The following SLC25A26 variants were observed in gnomAD, a reference collection of about 807,000 sequenced individuals.
SLC25A26 encodes solute carrier family 25 member 26, also known as mitochondrial S-adenosylmethionine carrier protein.
In SLC25A26, 36 loss-of-function variants were observed where a neutral mutation model predicts 37.8. The ratio of observed to expected loss-of-function variants is 0.95; its 90% confidence interval spans 0.73 to 1.26. The LOEUF (loss-of-function observed/expected upper bound fraction) is 1.26. Ranked by LOEUF, SLC25A26 falls within the 50% of genes most tolerant of loss-of-function variation. The pLI, the probability that SLC25A26 is intolerant of heterozygous loss-of-function variation, is 0.00. For missense variants in SLC25A26, 390 were observed against 331.1 expected (o/e 1.18, Z -1.38); for synonymous variants, 129 against 122.5 (o/e 1.05, Z -0.35).
At chr3:66,292,214 C>T (rs936449918) in intron 5 of SLC25A26, among the ~76,000 whole-genome samples, 2 of 152,112 alleles carry the variant, frequency 1.3e-5, no homozygotes, top group Admixed American at 1.3e-4. Flanking sequence ...AGATGGGCCT[C>T]CTGAATACAG....
intron 7 of SLC25A26, among the ~76,000 whole-genome samples, chr3:66,365,578 A>G (rs955751730): frequency 6.6e-6 from 1 of 152,202 alleles, no homozygotes; most frequent in Non-Finnish European, 1.5e-5. Context: ...TTCTCATAAT[A>G]AACACCTCTG....
Position 66,263,359 on chromosome 3 carries a change from A to C in SLC25A26, c.433A>C (p.Lys145Gln), listed in dbSNP as rs1209386701. ...TATCCAAGGGTTGTATCGAGGCTAT[A>C]AAAGCACAGTTTTAAGAGAGGTAAG... ...EGIQGLYRGY[K>Q]STVLREIPFS... is the part of the protein sequence containing the mutation. The change falls in exon 5 of 10, where the codon AAA becomes CAA. Residue 145 changes from lysine (K) to glutamine (Q), a missense_variant. Transcript: ENST00000354883. 6.2e-7 allele frequency: 1 copy of C among 1,611,874 alleles called. No homozygotes were observed. The highest frequency in any genetic ancestry group is 1.3e-5 in the African/African-American group (1 of 74,906).
chr3:66,184,650 A>G (rs1480754877), intron 1 of SLC25A26, among the ~76,000 whole-genome samples: 14 of 48,416 alleles, frequency 2.9e-4, no homozygotes, highest in Non-Finnish European at 5.0e-4. Flanking sequence ...CCTGACCCTG[A>G]CCTTTATTCT....
chr3:66,371,498 T>G (rs1700342167), intron 9 of SLC25A26: 1 of 1,363,754 alleles, frequency 7.3e-7, no homozygotes, highest in Admixed American at 3.4e-5. Context: ...GAAAAGTAGG[T>G]GATATTGGAT....
At chr3:66,137,200 A>G (rs1164870789) in intron 1 of SLC25A26, among the ~76,000 whole-genome samples, 2 of 146,284 alleles carry the variant, frequency 1.4e-5, no homozygotes, top group African/African-American at 2.5e-5. Context: ...AAATCTACCT[A>G]TGCTGTGATT....
rs150030325 is a variant in SLC25A26 at position 66,283,013 on chromosome 3, G to T, written c.453+19634G>T. The stretch of plus-strand genomic sequence containing the variant: ...TTGAGATTCATCCCAGTTATTGCAT[G>T]TATCAATAGTTTCTTCCTTTTTATT... On this transcript the variant is annotated intron_variant, in intron 5 of 9. Coordinates refer to ENST00000354883, the MANE Select transcript of SLC25A26 (RefSeq NM_001379210.1). Among the ~76,000 whole-genome samples the T allele has an allele frequency of 3.3e-5, 5 of 152,292 alleles. No individual in the cohort carries two copies. In the East Asian group the frequency reaches 9.6e-4, roughly 29 times the overall value.
Position 66,262,924 on chromosome 3 carries a change from A to G in SLC25A26, c.406-408A>G, listed in dbSNP as rs554421634. 2.0e-5 allele frequency among the ~76,000 whole-genome samples: 3 copies of G among 152,332 alleles called. No individual in the cohort carries two copies. The South Asian group carries it at 6.2e-4, about 32-fold the overall frequency. ...AATATAATTGTTTTTATACAAAAGGATAATTGGCATTTGTAGGCATTTGCT... is the reference window on the plus strand; with the variant it reads ...AATATAATTGTTTTTATACAAAAGGGTAATTGGCATTTGTAGGCATTTGCT... On this transcript the variant is annotated intron_variant, in intron 4 of 9. Coordinates refer to ENST00000354883, the MANE Select transcript of SLC25A26 (RefSeq NM_001379210.1).
intron 7 of SLC25A26, among the ~76,000 whole-genome samples, chr3:66,368,542 G>A (rs550465500): frequency 6.6e-6 from 1 of 152,296 alleles, no homozygotes; most frequent in East Asian, 1.9e-4. Flanking sequence ...AGAGAGCTTA[G>A]AAAGGTAACT....
At chr3:66,298,051 C>G (rs782748) in intron 5 of SLC25A26, among the ~76,000 whole-genome samples, 1 of 151,940 alleles carries the variant, frequency 6.6e-6, no homozygotes, top group Non-Finnish European at 1.5e-5. Context: ...TCCCTAGGAA[C>G]TTGCTAGAAA....
chr3:66,300,566 C>T (rs1003152174), intron 5 of SLC25A26, among the ~76,000 whole-genome samples: 12 of 151,974 alleles, frequency 7.9e-5, no homozygotes, highest in African/African-American at 2.4e-4. Context: ...CGCTGATGCT[C>T]GTTTTTTGTT....
chr3:66,276,224 T>C (rs956876415), intron 5 of SLC25A26, among the ~76,000 whole-genome samples: 13 of 152,110 alleles, frequency 8.5e-5, no homozygotes, highest in African/African-American at 2.7e-4. Context: ...CATCAGCCTG[T>C]TTGTACAGAT....
chr3:66,146,352 A>G (rs2070114860), intron 1 of SLC25A26, among the ~76,000 whole-genome samples: 1 of 152,150 alleles, frequency 6.6e-6, no homozygotes, highest in East Asian at 1.9e-4. Context: ...AAAAAAAAAA[A>G]AGATAAAAAT....
intron 5 of SLC25A26, among the ~76,000 whole-genome samples, chr3:66,280,849 A>G (rs115842711): frequency 2.4e-4 from 36 of 152,180 alleles, no homozygotes; most frequent in African/African-American, 8.7e-4. Context: ...GACACTTATC[A>G]TTTAGTATTT....
intron 5 of SLC25A26, among the ~76,000 whole-genome samples, chr3:66,302,728 G>T (rs9831599): frequency 0.051 from 7,840 of 152,242 alleles, 607 homozygotes; most frequent in African/African-American, 0.17. Context: ...AGGTGTGCTT[G>T]TGTATTAGAG....
chr3:66,278,647 C>G (rs1028150699), intron 5 of SLC25A26, among the ~76,000 whole-genome samples: 1 of 152,094 alleles, frequency 6.6e-6, no homozygotes, highest in African/African-American at 2.4e-5. Context: ...AAATTTCATT[C>G]CTCTGTTCAT....
intron 5 of SLC25A26, among the ~76,000 whole-genome samples, chr3:66,319,644 G>A (rs2075637696): frequency 6.6e-6 from 1 of 150,492 alleles, no homozygotes; most frequent in Non-Finnish European, 1.5e-5. Context: ...TTTTCTTTGT[G>A]AGCATGTAAA....
intron 5 of SLC25A26, among the ~76,000 whole-genome samples, chr3:66,317,709 T>TA (rs1469457288): frequency 1.3e-5 from 2 of 152,106 alleles, no homozygotes; most frequent in African/African-American, 4.8e-5. Flanking sequence ...CCAGCAGGCA[T>TA]AAAAGACTAA....
intron 1 of SLC25A26, among the ~76,000 whole-genome samples, chr3:66,230,298 T>G (rs781870352): frequency 3.3e-5 from 5 of 152,018 alleles, no homozygotes; most frequent in Admixed American, 6.6e-5. Context: ...GTACCAAAAG[T>G]GAAATATAAA....
At chr3:66,277,174 A>G (rs911001847) in intron 5 of SLC25A26, among the ~76,000 whole-genome samples, 2 of 152,238 alleles carry the variant, frequency 1.3e-5, no homozygotes, top group Non-Finnish European at 2.9e-5. Context: ...AGTCTCATCA[A>G]TTACCAGCTC....
Sources: allele counts gnomAD v4.1 joint callset (sites outside exome capture counted in the v4.1 genomes callset), GRCh38; gene constraint gnomAD v4.1.1; transcripts MANE v1.5; gene names NCBI Gene and HGNC (gene_info 2026-07-23, HGNC 2026-07-21).